TBX15: variants seen among roughly 807,000 people sequenced by gnomAD.
The protein encoded by TBX15 is T-box transcription factor TBX15.
Under a neutral mutation model 53.9 loss-of-function variants are expected in TBX15, and 18 were observed. The ratio of observed to expected loss-of-function variants is 0.33; its 90% CI spans 0.23 to 0.49. TBX15 has a LOEUF of 0.49. TBX15 is among the 20% of genes least tolerant of loss of function. The pLI, the probability that TBX15 is intolerant of heterozygous loss-of-function variation, is 0.98. For missense variants in TBX15, 692 were observed against 749.5 expected (o/e 0.92, Z 0.90); for synonymous variants, 295 against 278.0 (o/e 1.06, Z -0.61).
rs779159860 is a variant in TBX15, at chr1:118,885,340, G to A, written c.1201C>T (p.Pro401Ser). Residue 401 changes from proline to serine, a missense_variant, in exon 8 of 8, where the codon CCA becomes TCA. Around this residue, in one of 3 missense-constraint regions of TBX15, gnomAD observed 375 missense variants for 371.6 expected, o/e 1.01. Transcript: ENST00000369429. Reference sequence around the variant, plus strand: ...GCAGCCATGTTGCTTCGGGCACATGGTGGATAATCAGAGAGGTTTAGATTA... The same window carrying A: ...GCAGCCATGTTGCTTCGGGCACATGATGGATAATCAGAGAGGTTTAGATTA... ...LCNLNLSDYP[P>S]CARSNMAALQ... is the part of the protein sequence containing the mutation. The A allele has an allele frequency of 6.2e-7, 1 of 1,614,066 alleles. No individual in the cohort carries two copies. The highest frequency in any genetic ancestry group is 8.5e-7 in the Non-Finnish European group (1 of 1,180,026).
intron 7 of TBX15, among the ~76,000 whole-genome samples, chr1:118,888,764 T>C (rs1334853395): frequency 2.6e-5 from 4 of 152,114 alleles, no homozygotes; most frequent in African/African-American, 9.7e-5. Context: ...CTGTCACAGG[T>C]ATGTTCTATC....
intron 1 of TBX15, among the ~76,000 whole-genome samples, chr1:118,979,370 AG>A (rs1657562699): frequency 6.6e-6 from 1 of 152,006 alleles, no homozygotes; most frequent in Non-Finnish European, 1.5e-5. Flanking sequence ...ACGATCCCAC[AG>A]GATGACTTTC....
At chr1:118,924,516 C>T (rs1655530042) in intron 4 of TBX15, 130 bp downstream of exon 4, 1 of 1,086,988 alleles carries the variant, frequency 9.2e-7, no homozygotes, top group South Asian at 1.3e-5. Flanking sequence ...TTTATGCTTA[C>T]TTACTTAAAA....
chr1:118,989,419 A>T (rs1469282518), upstream of TBX15: 1 of 152,132 alleles, frequency 6.6e-6, no homozygotes, highest in African/African-American at 2.4e-5. Context: ...GAAAGCTCAA[A>T]CCGGCAGCGA....
intron 7 of TBX15, among the ~76,000 whole-genome samples, chr1:118,896,807 A>G (rs1000374402): frequency 1.3e-4 from 20 of 152,300 alleles, no homozygotes; most frequent in African/African-American, 4.8e-4. Flanking sequence ...TCTTAAGGGA[A>G]GAGGGGATGG....
intron 1 of TBX15, among the ~76,000 whole-genome samples, chr1:118,972,189 A>G (rs911673543): frequency 6.6e-6 from 1 of 152,242 alleles, no homozygotes; most frequent in African/African-American, 2.4e-5. Context: ...GCCAACTCCA[A>G]GTTAAAGGTA....
chr1:118,933,684 C>A (rs902942722), intron 1 of TBX15, among the ~76,000 whole-genome samples: 1 of 152,042 alleles, frequency 6.6e-6, no homozygotes, highest in African/African-American at 2.4e-5. Context: ...CACACTCAGC[C>A]AAACACACTA....
intron 1 of TBX15, among the ~76,000 whole-genome samples, chr1:118,970,605 T>C (rs952636269): frequency 2.0e-5 from 3 of 152,204 alleles, no homozygotes; most frequent in African/African-American, 7.2e-5. Context: ...TCCTTGACCA[T>C]CTGTGTCAGA....
intron 3 of TBX15, 71 bp downstream of exon 3, chr1:118,926,439 C>A (rs1270536627): frequency 7.4e-7 from 1 of 1,350,722 alleles, no homozygotes; most frequent in Non-Finnish European, 1.1e-6. Flanking sequence ...ACTATTTCCT[C>A]TAAGGAGTTT....
At chr1:118,966,427 A>G (rs530703129) in intron 1 of TBX15, among the ~76,000 whole-genome samples, 1 of 152,360 alleles carries the variant, frequency 6.6e-6, no homozygotes, top group South Asian at 2.1e-4. Context: ...GAAACCCTCT[A>G]TATCACTACT....
chr1:118,889,340 G>A lies in TBX15; in HGVS notation c.1025-3824C>T, dbSNP rs978071915. On this transcript the variant is annotated intron_variant, in intron 7 of 7. Transcript: ENST00000369429. ...AAACAAGATTGGAATTTCCAGCCAA[G>A]TGCAAAATGAGCACAAAGAGGGAGC... Among the ~76,000 whole-genome samples the A allele has an allele frequency of 1.4e-4, 22 of 152,160 alleles. No homozygotes were observed. The East Asian group carries it at 2.9e-3, about 20-fold the overall frequency.
intron 1 of TBX15, among the ~76,000 whole-genome samples, chr1:118,952,039 C>T (rs1656532482): frequency 6.6e-6 from 1 of 152,000 alleles, no homozygotes; most frequent in Admixed American, 6.6e-5. Flanking sequence ...TTGCCTTTGT[C>T]ACCCCTGAGA....
chr1:118,886,138 A>G (rs568167315), intron 7 of TBX15, among the ~76,000 whole-genome samples: 9 of 152,312 alleles, frequency 5.9e-5, no homozygotes, highest in African/African-American at 2.2e-4. Context: ...CATAAAAGAC[A>G]TTGGGAACAC....
Position 118,959,024 on chromosome 1 carries a change from C to CAGAGAGAGAGAGAGAGAGAG in TBX15, c.206-27212_206-27193dup, listed in dbSNP as rs10563585. Among the ~76,000 whole-genome samples, 1,012 of 144,440 alleles carry CAGAGAGAGAGAGAGAGAGAG rather than the reference C, an allele frequency of 7.0e-3. 12 individuals are homozygous for CAGAGAGAGAGAGAGAGAGAG. Among genetic ancestry groups the CAGAGAGAGAGAGAGAGAGAG allele is most frequent in the East Asian group, 0.017 (77 of 4,554 alleles). The allele number at this position is 144,440 out of a possible 152,430, so 94.8% of individuals were successfully genotyped here. Reference sequence around the variant, plus strand: ...TAGTGGTCATCAGAAGGTATAATATCAGAGAGAGAGAGAGAGAGAGAGAGA... The same window carrying CAGAGAGAGAGAGAGAGAGAG: ...TAGTGGTCATCAGAAGGTATAATATCAGAGAGAGAGAGAGAGAGAGAGAGAGAGAGAGAGAGAGAGAGAGA... On this transcript the variant is annotated intron_variant, in intron 1 of 7. Coordinates refer to ENST00000369429, the MANE Select transcript of TBX15 (RefSeq NM_001330677.2).
chr1:118,903,813 A>G (rs1283599204), intron 6 of TBX15, among the ~76,000 whole-genome samples: 1 of 152,208 alleles, frequency 6.6e-6, no homozygotes, highest in Non-Finnish European at 1.5e-5. Context: ...TAAAAAAGGA[A>G]CAAGATATAA....
intron 7 of TBX15, among the ~76,000 whole-genome samples, chr1:118,896,593 T>G (rs1473645687): frequency 6.6e-6 from 1 of 152,218 alleles, no homozygotes; most frequent in Non-Finnish European, 1.5e-5. Context: ...AGTCACTATT[T>G]GGCACCAATC....
chr1:118,934,583 G>A (rs1027921197), intron 1 of TBX15, among the ~76,000 whole-genome samples: 4 of 152,174 alleles, frequency 2.6e-5, no homozygotes, highest in Non-Finnish European at 5.9e-5. Flanking sequence ...TAGATTCTGG[G>A]AAATAACAAA....
intron 1 of TBX15, among the ~76,000 whole-genome samples, chr1:118,974,885 C>A (rs1399308441): frequency 6.6e-6 from 1 of 152,172 alleles, no homozygotes; most frequent in African/African-American, 2.4e-5. Context: ...GAATCTCTTC[C>A]TTTGTAAATT....
Position 118,988,049 on chromosome 1 carries a change from A to T in TBX15, c.-254T>A, listed in dbSNP as rs1189353787. 53 of 563,412 alleles carry T rather than the reference A, an allele frequency of 9.4e-5. No individual in the cohort carries two copies. The South Asian group carries it at 1.1e-3, about 12-fold the overall frequency. The allele number at this position is 563,412 out of a possible 1,614,324, so 34.9% of individuals were successfully genotyped here. A position where few individuals can be genotyped will look rare whatever the true frequency, so the allele number is the denominator to read the frequency against. On this transcript the variant is annotated 5_prime_UTR_variant, in exon 1 of 8. It removes an upstream start codon present in the reference 5' UTR. Coordinates refer to ENST00000369429, the MANE Select transcript of TBX15 (RefSeq NM_001330677.2). The stretch of plus-strand genomic sequence containing the variant: ...GCCCCGAGCGCCGCCCGCTCGCTGC[A>T]TGAGCGCCCGAGTCCTGCTTCCCAC...
Sources: allele counts gnomAD v4.1 joint callset (sites outside exome capture counted in the v4.1 genomes callset), GRCh38; gene constraint gnomAD v4.1.1; regional missense constraint gnomAD v4.1.1; transcripts MANE v1.5; gene names NCBI Gene and HGNC (gene_info 2026-07-23, HGNC 2026-07-21).